The following SLC25A36 variants were observed in gnomAD, a reference collection of about 807,000 sequenced individuals.
SLC25A36 encodes solute carrier family 25 member 36.
SLC25A36 carries 24 observed loss-of-function variants against 35.3 expected under a neutral mutation model. That is an observed-to-expected ratio of 0.68 (90% CI 0.49 to 0.96). The LOEUF (loss-of-function observed/expected upper bound fraction) is 0.96. SLC25A36 is among the 40% of genes least tolerant of loss of function. SLC25A36 has a pLI of 0.00. For synonymous variants in SLC25A36, 141 were observed against 132.2 expected (o/e 1.07, Z -0.46); for missense variants, 294 against 381.1 (o/e 0.77, Z 1.90).
At chr3:140,943,490 T>C (rs1934077452) in intron 1 of SLC25A36, among the ~76,000 whole-genome samples, 1 of 152,242 alleles carries the variant, frequency 6.6e-6, no homozygotes. Flanking sequence ...TTACTGCCAA[T>C]AATCAGGCAA....
At position 140,973,976 on chromosome 3, in the gene SLC25A36, C is replaced by G. The variant is rs773444500; in HGVS notation, c.713C>G (p.Thr238Ser). 1.3e-6 allele frequency: 2 copies of G among 1,583,212 alleles called. No homozygotes were observed. Among genetic ancestry groups the G allele is most frequent in the South Asian group, 1.2e-5 (1 of 86,286 alleles). ...GMMLAAATSK[T>S]CATTIAYPHE... ...ATGCTAGCTGCTGCCACCTCAAAAA[C>G]TTGTGCCACAACTATAGCATATCCA... The change falls in exon 6 of 7, where the codon ACT becomes AGT. Residue 238 changes from threonine (T) to serine (S), a missense_variant. Transcript: ENST00000324194.
chr3:140,965,058 T>G (rs1934725841), intron 4 of SLC25A36: 2 of 151,914 alleles, frequency 1.3e-5, no homozygotes, highest in Non-Finnish European at 2.9e-5. Flanking sequence ...CACTGTACAC[T>G]TACTGTGTAG....
rs546945603 is a variant in SLC25A36, at chr3:140,961,584, A to G, written c.285-1543A>G. Among the ~76,000 whole-genome samples, 4 of 152,190 alleles carry G rather than the reference A, an allele frequency of 2.6e-5. No homozygotes were observed. The East Asian group carries it at 5.8e-4, about 22-fold the overall frequency. On this transcript the variant is annotated intron_variant, in intron 3 of 6. Coordinates refer to ENST00000324194, the MANE Select transcript of SLC25A36 (RefSeq NM_001104647.3). The stretch of plus-strand genomic sequence containing the variant: ...AGACTAGTGAATATTGACCGGGCAG[A>G]GTGGCTCACACCTGTAATCCCAGCA...
chr3:140,974,170 G>C (rs1934978108), intron 6 of SLC25A36, among the ~76,000 whole-genome samples, 165 bp downstream of exon 6: 1 of 152,022 alleles, frequency 6.6e-6, no homozygotes, highest in Non-Finnish European at 1.5e-5. Flanking sequence ...GTATTAATAG[G>C]TCAGTATTAT....
chr3:140,956,455 A>C (rs1348737974), intron 1 of SLC25A36, 72 bp from the exon 2 acceptor site: 1 of 1,355,814 alleles, frequency 7.4e-7, no homozygotes, highest in Non-Finnish European at 9.5e-7. Flanking sequence ...CATGTGGATT[A>C]CAGCTCTGGG....
chr3:140,976,427 T>C lies in SLC25A36; in HGVS notation c.910T>C (p.Leu304=), dbSNP rs374377606. 1.9e-6 allele frequency: 3 copies of C among 1,613,006 alleles called. No homozygotes were observed. The highest frequency in any genetic ancestry group is 2.5e-6 in the Non-Finnish European group (3 of 1,179,646). ...AGCCATTATGATGGCCACCTATGAA[T>C]TGGTGGTTTACCTACTCAATGGATA... The part of the protein sequence containing the change: ...NTAIMMATYE[L]VVYLLNG The change falls in exon 7 of 7, where the codon TTG becomes CTG. Residue 304 remains leucine (L), a synonymous_variant. Coordinates refer to ENST00000324194, the MANE Select transcript of SLC25A36 (RefSeq NM_001104647.3).
chr3:140,963,243 AT>A lies in SLC25A36; in HGVS notation c.385+18del. 1.4e-6 allele frequency: 2 copies of A among 1,421,822 alleles called. No homozygotes were observed. The highest frequency in any genetic ancestry group is 2.3e-5 in the Admixed American group (1 of 43,216). 88.1% of individuals were successfully genotyped at this position (1,421,822 alleles called of 1,614,324 possible). ...GCAATGGCAGGTATGAATGTATAATATTAAAAAAAAAAAAAACTTTCTGAAA... is the reference window on the plus strand; with the variant it reads ...GCAATGGCAGGTATGAATGTATAATATAAAAAAAAAAAAAACTTTCTGAAA... On this transcript the variant is annotated intron_variant, in intron 4 of 6. Coordinates refer to ENST00000324194, the MANE Select transcript of SLC25A36 (RefSeq NM_001104647.3).
chr3:140,954,647 G>A (rs1934428453), intron 1 of SLC25A36, among the ~76,000 whole-genome samples: 1 of 152,280 alleles, frequency 6.6e-6, no homozygotes, highest in African/African-American at 2.4e-5. Flanking sequence ...GCAGAATTCT[G>A]TGTGTTTATT....
rs78307762 is a variant in SLC25A36, at chr3:140,953,524, G to A, written c.42-3003G>A. ...CAGCCCCAAGTAGTTCATATATTAA[G>A]AATTCTTACTGGTTTTCACATATTT... On this transcript the variant is annotated intron_variant, in intron 1 of 6. Transcript: ENST00000324194. 2.7e-3 allele frequency among the ~76,000 whole-genome samples: 406 copies of A among 152,170 alleles called. 1 individual carries two copies. The highest frequency in any genetic ancestry group is 7.8e-3 in the African/African-American group (323 of 41,516).
chr3:140,963,154 C>A lies in SLC25A36; in HGVS notation c.312C>A (p.Asn104Lys), dbSNP rs1173488706. Residue 104 changes from asparagine (N) to lysine (K), a missense_variant, in exon 4 of 7, where the codon AAC becomes AAA. Physicochemically the swap from Asn to Lys is moderately conservative, Grantham distance 94. Transcript: ENST00000324194. Reference sequence around the variant, plus strand: ...CAATATACTTTGCTGCTTATTCAAACTGCAAGGAAAAGTTGAATGATGTAT... The same window carrying A: ...CAATATACTTTGCTGCTTATTCAAAATGCAAGGAAAAGTTGAATGATGTAT... ...SRAIYFAAYS[N>K]CKEKLNDVFD... The A allele has an allele frequency of 1.9e-6, 3 of 1,588,612 alleles. No homozygotes were observed. The Admixed American group carries it at 5.7e-5, about 30-fold the overall frequency.
At position 140,980,368 on chromosome 3, in the gene SLC25A36, A is replaced by G. The variant is rs560834539; in HGVS notation, c.*3915A>G. On this transcript the variant is annotated 3_prime_UTR_variant, in exon 7 of 7. Transcript: ENST00000324194. Reference sequence around the variant, plus strand: ...TGCCTACCCTCTTTACATTTTGTCTATTTTATTTAAGTTTTTCTGTATTGT... The same window carrying G: ...TGCCTACCCTCTTTACATTTTGTCTGTTTTATTTAAGTTTTTCTGTATTGT... Among the ~76,000 whole-genome samples the G allele has an allele frequency of 6.6e-6, 1 of 152,270 alleles. No individual in the cohort carries two copies. Among genetic ancestry groups the G allele is most frequent in the African/African-American group, 2.4e-5 (1 of 41,554 alleles).
At chr3:140,974,085 A>G (rs1439406435) in intron 6 of SLC25A36, 80 bp downstream of exon 6, 2 of 962,440 alleles carry the variant, frequency 2.1e-6, no homozygotes, top group Non-Finnish European at 3.1e-6. Context: ...TTATAATTTT[A>G]CTGCATTCTG....
At chr3:140,975,094 A>ATT (rs1272903563) in intron 6 of SLC25A36, among the ~76,000 whole-genome samples, 1 of 24,236 alleles carries the variant, frequency 4.1e-5, no homozygotes, top group Non-Finnish European at 1.3e-4. Context: ...AACAAGATAC[A>ATT]TTCTTTTTTT....
rs1219867405 is a variant in SLC25A36, at chr3:140,974,993, T to C, written c.742+988T>C. 2.6e-5 allele frequency among the ~76,000 whole-genome samples: 4 copies of C among 151,170 alleles called. No homozygotes were observed. The East Asian group carries it at 7.8e-4, about 29-fold the overall frequency. On this transcript the variant is annotated intron_variant, in intron 6 of 6. Transcript: ENST00000324194. ...TATGGGGTAGGTTAGGATGGTGGCCTGCTAAGGTGTAAGGAACAGAGTTTT... is the reference window on the plus strand; with the variant it reads ...TATGGGGTAGGTTAGGATGGTGGCCCGCTAAGGTGTAAGGAACAGAGTTTT...
chr3:140,941,958 C>A lies in SLC25A36; in HGVS notation c.-97C>A. 1.5e-6 allele frequency: 1 copy of A among 670,204 alleles called. No individual in the cohort carries two copies. The highest frequency in any genetic ancestry group is 1.9e-5 in the South Asian group (1 of 53,348). 41.5% of individuals were successfully genotyped at this position (670,204 alleles called of 1,614,324 possible). On this transcript the variant is annotated 5_prime_UTR_variant, in exon 1 of 7. Coordinates refer to ENST00000324194, the MANE Select transcript of SLC25A36 (RefSeq NM_001104647.3). ...CCAGCTCTCCTCGCCGTCCCCGGGG[C>A]GCTGTGCGTCTCCAGTCCGGGACCG...
chr3:140,953,593 C>G (rs927376725), intron 1 of SLC25A36, among the ~76,000 whole-genome samples: 1 of 152,098 alleles, frequency 6.6e-6, no homozygotes, highest in Non-Finnish European at 1.5e-5. Flanking sequence ...ACAGTAAAAT[C>G]TACCCTTTGT....
At chr3:140,968,020 A>G (rs1934806214) in intron 4 of SLC25A36, 5 of 985,036 alleles carry the variant, frequency 5.1e-6, no homozygotes, top group Non-Finnish European at 4.8e-6. Flanking sequence ...CATTCCCAGT[A>G]TCTTTGTGTG....
chr3:140,976,435 T>A lies in SLC25A36; in HGVS notation c.918T>A (p.Val306=). The part of the protein sequence containing the change: ...AIMMATYELV[V]YLLNG ...TGATGGCCACCTATGAATTGGTGGT[T>A]TACCTACTCAATGGATAGCAGCACG... The change falls in exon 7 of 7, where the codon GTT becomes GTA. Residue 306 remains valine, a synonymous_variant. Coordinates refer to ENST00000324194, the MANE Select transcript of SLC25A36 (RefSeq NM_001104647.3). 6.2e-7 allele frequency: 1 copy of A among 1,612,138 alleles called. No homozygotes were observed. Among genetic ancestry groups the A allele is most frequent in the Non-Finnish European group, 8.5e-7 (1 of 1,179,352 alleles).
chr3:140,949,282 A>G (rs991129279), intron 1 of SLC25A36, among the ~76,000 whole-genome samples: 3 of 152,208 alleles, frequency 2.0e-5, no homozygotes, highest in African/African-American at 7.2e-5. Flanking sequence ...GTTAAACTCT[A>G]AAAAGTTTGG....
Sources: gnomAD v4.1 joint callset for allele counts (sites outside exome capture counted in the v4.1 genomes callset) on GRCh38, gnomAD v4.1.1 for gene constraint, MANE v1.5 for transcripts, NCBI Gene and HGNC (gene_info 2026-07-23, HGNC 2026-07-21) for gene names.